The following QRSL1 variants were observed in gnomAD, a reference collection of about 807,000 sequenced individuals.
QRSL1 encodes glutaminyl-tRNA amidotransferase subunit QRSL1.
In QRSL1, 54 loss-of-function variants were observed where a neutral mutation model predicts 61.6. The observed-to-expected ratio is 0.88, with a 90% CI of 0.70 to 1.10. The LOEUF (loss-of-function observed/expected upper bound fraction) is 1.10. Among genes scored for constraint, QRSL1 ranks in the 50% least tolerant of loss-of-function variants. QRSL1 has a pLI of 0.00. For missense variants in QRSL1, 505 were observed against 622.6 expected, an observed-to-expected ratio of 0.81 and a Z score of 2.01; for synonymous variants, 228 against 225.7, an observed-to-expected ratio of 1.01 and a Z score of -0.09.
rs1269361910 is a variant in QRSL1, at chr6:106,668,233, CAT to C, written c.*2232_*2233del. ...TGAATCTGGAAATTAAAAAGTGAAA[CAT>C]TTACCGTTCTCATATACTGATACCC... On this transcript the variant is annotated 3_prime_UTR_variant, in exon 11 of 11. Transcript: ENST00000369046. 6.6e-6 allele frequency: 1 copy of C among 151,936 alleles called. No homozygotes were observed. The highest frequency in any genetic ancestry group is 1.5e-5 in the Non-Finnish European group (1 of 68,006). 9.4% of individuals were successfully genotyped at this position (151,936 alleles called of 1,614,324 possible). A position where few individuals can be genotyped will look rare whatever the true frequency, so the allele number is the denominator to read the frequency against.
intron 1 of QRSL1, among the ~76,000 whole-genome samples, chr6:106,639,664 A>G (rs1431549568): frequency 6.6e-6 from 1 of 152,192 alleles, no homozygotes; most frequent in East Asian, 1.9e-4. Context: ...TACAGGAAAT[A>G]TTAGACACTC....
chr6:106,641,459 A>G (rs997825270), intron 3 of QRSL1, among the ~76,000 whole-genome samples: 2 of 152,184 alleles, frequency 1.3e-5, no homozygotes, highest in Non-Finnish European at 2.9e-5. Flanking sequence ...TTATTTCCTG[A>G]TTCCTCTATC....
chr6:106,659,493 A>G lies in QRSL1; in HGVS notation c.1161-3487A>G, dbSNP rs377138605. On this transcript the variant is annotated intron_variant, in intron 9 of 10. Transcript: ENST00000369046. ...AAAAAAAAAAAAACATATTTATAGT[A>G]ACTGTTTTAATGTTCTTATCTACTC... is the stretch of plus-strand genomic sequence containing the variant. Among the ~76,000 whole-genome samples, 10 of 151,874 alleles carry G rather than the reference A, an allele frequency of 6.6e-5. No individual in the cohort carries two copies. In the East Asian group the frequency reaches 1.7e-3, roughly 26 times the overall value.
chr6:106,646,889 G>A (rs571723902), intron 4 of QRSL1, among the ~76,000 whole-genome samples: 22 of 151,926 alleles, frequency 1.4e-4, no homozygotes, highest in African/African-American at 3.9e-4. Context: ...TTAGCCGGGC[G>A]TGGTGGCGAG....
At position 106,640,443 on chromosome 6, in the gene QRSL1, A is replaced by C; in HGVS notation, c.119A>C (p.Tyr40Ser). 6.2e-7 allele frequency: 1 copy of C among 1,609,456 alleles called. No homozygotes were observed. The highest frequency in any genetic ancestry group is 8.5e-7 in the Non-Finnish European group (1 of 1,178,188). The part of the protein sequence containing the change: ...LIKKTKFLNA[Y>S]ITVSEEVALK... ...AAGAAGACCAAGTTTCTAAATGCCT[A>C]CATTACTGTGTCAGAAGAGGTGGCC... Residue 40 changes from tyrosine (Y) to serine (S), a missense_variant, in exon 2 of 11, where the codon TAC becomes TCC. Physicochemically the swap from Tyr to Ser is moderately radical, Grantham distance 144. Transcript: ENST00000369046.
intron 9 of QRSL1, among the ~76,000 whole-genome samples, chr6:106,661,993 G>A (rs1777364538): frequency 6.6e-6 from 1 of 152,172 alleles, no homozygotes; most frequent in Non-Finnish European, 1.5e-5. Context: ...TTACAGGCGT[G>A]AGCCACTGCG....
At chr6:106,644,730 G>A (rs1340683047) in intron 4 of QRSL1, among the ~76,000 whole-genome samples, 1 of 152,132 alleles carries the variant, frequency 6.6e-6, no homozygotes, top group Non-Finnish European at 1.5e-5. Context: ...GCGTTGGCCA[G>A]GCTGGTCTCA....
intron 9 of QRSL1, among the ~76,000 whole-genome samples, chr6:106,657,952 C>T (rs1777297040): frequency 6.6e-6 from 1 of 152,188 alleles, no homozygotes; most frequent in African/African-American, 2.4e-5. Context: ...ATCCGCCCAC[C>T]TCAGCCTCCC....
intron 7 of QRSL1, among the ~76,000 whole-genome samples, chr6:106,654,349 C>CAA (rs528316129): frequency 3.9e-5 from 4 of 101,672 alleles, no homozygotes; most frequent in Non-Finnish European, 6.2e-5. Flanking sequence ...GACTCCGTCT[C>CAA]AAAAAAAAAA....
At chr6:106,634,054 A>T (rs1670059075) in intron 1 of QRSL1, among the ~76,000 whole-genome samples, 1 of 152,182 alleles carries the variant, frequency 6.6e-6, no homozygotes, top group African/African-American at 2.4e-5. Flanking sequence ...TGGACATTTT[A>T]GCTAGAGTGG....
At chr6:106,640,558 A>T (rs1443518571) in intron 2 of QRSL1, 50 bp downstream of exon 2, 4 of 1,435,728 alleles carry the variant, frequency 2.8e-6, no homozygotes, top group Non-Finnish European at 3.7e-6. Flanking sequence ...GAGAAGTTTA[A>T]TTGTTTGTAG....
chr6:106,654,659 CA>C, intron 7 of QRSL1, 70 bp from the exon 8 acceptor site: 1 of 1,298,316 alleles, frequency 7.7e-7, no homozygotes, highest in African/African-American at 1.5e-5. Flanking sequence ...ATCATCTATA[CA>C]GATGAAGTAC....
At position 106,667,964 on chromosome 6, in the gene QRSL1, AAGAGAG is replaced by A. The variant is rs922937512; in HGVS notation, c.*1974_*1979del. 4.0e-5 allele frequency: 5 copies of A among 124,456 alleles called. No homozygotes were observed. The highest frequency in any genetic ancestry group is 1.5e-4 in the African/African-American group (4 of 27,564). The allele number at this position is 124,456 out of a possible 1,614,324, so 7.7% of individuals were successfully genotyped here. A position where few individuals can be genotyped will look rare whatever the true frequency, so the allele number is the denominator to read the frequency against. Reference sequence around the variant, plus strand: ...TTTTTATGTAATGAATTTAAAAAAAAAGAGAGAGAGAGAGAGATGGGCTCTCCCTGT... The same window carrying A: ...TTTTTATGTAATGAATTTAAAAAAAAAGAGAGAGAGATGGGCTCTCCCTGT... On this transcript the variant is annotated 3_prime_UTR_variant, in exon 11 of 11. Coordinates refer to ENST00000369046, the MANE Select transcript of QRSL1 (RefSeq NM_018292.5).
rs531422204 is a variant in QRSL1 at position 106,667,459 on chromosome 6, A to G, written c.*1457A>G. 1.3e-5 allele frequency: 2 copies of G among 152,342 alleles called. No homozygotes were observed. Among genetic ancestry groups the G allele is most frequent in the Admixed American group, 1.3e-4 (2 of 15,304 alleles). 9.4% of individuals were successfully genotyped at this position (152,342 alleles called of 1,614,324 possible). On this transcript the variant is annotated 3_prime_UTR_variant, in exon 11 of 11. Coordinates refer to ENST00000369046, the MANE Select transcript of QRSL1 (RefSeq NM_018292.5). ...ACACCATTGTCATCTCATATTGATCAGGTATTTTAATCTAGCACTTACATA... is the reference window on the plus strand; with the variant it reads ...ACACCATTGTCATCTCATATTGATCGGGTATTTTAATCTAGCACTTACATA...
At chr6:106,640,294 A>G in intron 1 of QRSL1, 55 bp from the exon 2 acceptor site, 2 of 1,497,464 alleles carry the variant, frequency 1.3e-6, no homozygotes, top group South Asian at 1.2e-5. Flanking sequence ...CACCAATATA[A>G]CAATTGAAAC....
chr6:106,665,726 T>A (rs990471515), intron 10 of QRSL1, 56 bp from the exon 11 acceptor site: 2 of 1,444,012 alleles, frequency 1.4e-6, no homozygotes, highest in Admixed American at 3.4e-5. Context: ...GTGGAAGAGG[T>A]CTCTGCTAAT....
chr6:106,659,633 G>C (rs1166590590), intron 9 of QRSL1, among the ~76,000 whole-genome samples: 1 of 151,880 alleles, frequency 6.6e-6, no homozygotes, highest in East Asian at 1.9e-4. Context: ...ATTGTCATTT[G>C]CTAGACTTTT....
Position 106,643,888 on chromosome 6 carries a change from T to G in QRSL1, c.380+798T>G, listed in dbSNP as rs961970554. On this transcript the variant is annotated intron_variant, in intron 4 of 10. Transcript: ENST00000369046. ...TCTTCTTTTCATTCTTTTTTTTTTT[T>G]GAGACAGAGTTTTGCTCTTGTCATC... Among the ~76,000 whole-genome samples the G allele has an allele frequency of 4.6e-5, 7 of 151,876 alleles. No homozygotes were observed. The East Asian group carries it at 1.4e-3, about 29-fold the overall frequency.
intron 1 of QRSL1, chr6:106,640,083 C>CAGGA: frequency 3.3e-6 from 1 of 306,704 alleles, no homozygotes; most frequent in South Asian, 5.1e-5. Flanking sequence ...ACCTAACTTA[C>CAGGA]TGCCGTTGTT....
Sources: allele counts gnomAD v4.1 joint callset (sites outside exome capture counted in the v4.1 genomes callset), GRCh38; gene constraint gnomAD v4.1.1; transcripts MANE v1.5; gene names NCBI Gene and HGNC (gene_info 2026-07-23, HGNC 2026-07-21).